SPATA31G1: variants seen among roughly 807,000 people sequenced by gnomAD.
SPATA31G1 encodes the protein SPATA31 subfamily G member 1.
At chr9:35,043,639 A>G in the SPATA31G1 span, 21 of 1,614,174 alleles carry the variant, frequency 1.3e-5, no homozygotes, top group Non-Finnish European at 1.7e-5. Context: ...CAAGCTTTTG[A>G]GCCTCCGATG....
chr9:35,042,141 T>C, the SPATA31G1 span: 2 of 1,453,128 alleles, frequency 1.4e-6, no homozygotes, highest in South Asian at 2.9e-5. Flanking sequence ...AAATTTTTTT[T>C]GGTTCTAAAT....
At chr9:35,044,579 C>G in the SPATA31G1 span, 1 of 1,614,152 alleles carries the variant, frequency 6.2e-7, no homozygotes, top group African/African-American at 1.3e-5. Flanking sequence ...CATCCTCAAA[C>G]TCTGTTTCAA....
the SPATA31G1 span, chr9:35,042,590 T>A: frequency 6.6e-7 from 1 of 1,517,282 alleles, no homozygotes; most frequent in Non-Finnish European, 9.0e-7. Flanking sequence ...GCCCTAGATG[T>A]GAGGCTGGGT....
the SPATA31G1 span, chr9:35,043,093 A>G: frequency 2.5e-6 from 4 of 1,614,090 alleles, no homozygotes; most frequent in Non-Finnish European, 3.4e-6. Context: ...ATACCAGAGC[A>G]AACAGTCATG....
the SPATA31G1 span, chr9:35,042,602 A>G: frequency 6.7e-7 from 1 of 1,482,894 alleles, no homozygotes; most frequent in Non-Finnish European, 9.2e-7. Context: ...AGGCTGGGTG[A>G]GTAACCACTG....
chr9:35,045,615 G>T, the SPATA31G1 span: 25 of 1,614,046 alleles, frequency 1.5e-5, no homozygotes, highest in African/African-American at 3.2e-4. Flanking sequence ...TCAACACAGG[G>T]GCCAGAGCTC....
the SPATA31G1 span, chr9:35,043,601 G>A: frequency 6.2e-7 from 1 of 1,614,126 alleles, no homozygotes; most frequent in Non-Finnish European, 8.5e-7. Flanking sequence ...AGACTCATTT[G>A]GAAACCACAG....
chr9:35,045,333 G>A, the SPATA31G1 span: 2 of 1,614,098 alleles, frequency 1.2e-6, no homozygotes, highest in South Asian at 1.1e-5. Context: ...CCCATCCCAA[G>A]GGCCATGTGT....
chr9:35,044,238 G>A, the SPATA31G1 span: 16 of 1,614,092 alleles, frequency 9.9e-6, no homozygotes, highest in South Asian at 1.1e-4. Context: ...GGAATGCCTC[G>A]CTACATCAGA....
chr9:35,042,128 A>G, the SPATA31G1 span: 2 of 1,423,502 alleles, frequency 1.4e-6, no homozygotes, highest in Non-Finnish European at 1.9e-6. Context: ...TGCCTGATAG[A>G]GGAAATTTTT....
the SPATA31G1 span, chr9:35,042,323 C>T: frequency 1.9e-6 from 3 of 1,614,176 alleles, no homozygotes; most frequent in South Asian, 3.3e-5. Context: ...GCCAACTGAC[C>T]CATGCCCTAG....
the SPATA31G1 span, chr9:35,044,529 G>C: frequency 6.2e-7 from 1 of 1,614,184 alleles, no homozygotes; most frequent in Non-Finnish European, 8.5e-7. Flanking sequence ...GGAGCAAAAA[G>C]AAAACTGTGT....
the SPATA31G1 span, chr9:35,043,403 T>C: frequency 1.5e-5 from 24 of 1,614,034 alleles, no homozygotes; most frequent in Non-Finnish European, 1.6e-5. Context: ...ATGGGGCCCA[T>C]ACTATGGAAG....
At chr9:35,045,586 G>A in the SPATA31G1 span, 1 of 1,614,160 alleles carries the variant, frequency 6.2e-7, no homozygotes, top group Non-Finnish European at 8.5e-7. Flanking sequence ...GCCCCTGTAA[G>A]CACATTTCCC....
the SPATA31G1 span, chr9:35,042,664 G>A: frequency 3.4e-6 from 4 of 1,173,738 alleles, no homozygotes; most frequent in East Asian, 4.9e-5. Flanking sequence ...TGTAGAATGA[G>A]GGAATACTGA....
chr9:35,043,188 C>T, the SPATA31G1 span: 29 of 1,614,032 alleles, frequency 1.8e-5, no homozygotes, highest in African/African-American at 1.6e-4. Context: ...ATCAGGGAAC[C>T]GCCAGCAGCA....
At chr9:35,043,797 C>T in the SPATA31G1 span, 1 of 1,614,144 alleles carries the variant, frequency 6.2e-7, no homozygotes, top group African/African-American at 1.3e-5. Context: ...AGTCCCTTGC[C>T]CTCCCCTAGA....
chr9:35,043,731 T>A, the SPATA31G1 span: 6 of 1,614,068 alleles, frequency 3.7e-6, no homozygotes, highest in South Asian at 3.3e-5. Context: ...ATCTAAGGAC[T>A]TCTGGGGAAC....
the SPATA31G1 span, chr9:35,045,414 T>G: frequency 6.2e-7 from 1 of 1,614,100 alleles, no homozygotes; most frequent in Admixed American, 1.7e-5. Flanking sequence ...GGTTCTGGTC[T>G]CAGGCAAGAG....
Sources: allele counts gnomAD v4.1 joint callset, GRCh38; gene constraint gnomAD v4.1.1; transcripts MANE v1.5; gene names NCBI Gene and HGNC (gene_info 2026-07-23, HGNC 2026-07-21).